ST3GAL2: variants seen among roughly 807,000 people sequenced by gnomAD.
ST3GAL2 encodes the protein CMP-N-acetylneuraminate-beta-galactosamide-alpha-2,3-sialyltransferase 2.
In ST3GAL2, 16 loss-of-function variants were observed where a neutral mutation model predicts 37.5. The observed-to-expected ratio is 0.43, with a 90% CI of 0.29 to 0.65. ST3GAL2 has a LOEUF of 0.65. ST3GAL2 is among the 30% of genes least tolerant of loss of function. The pLI is 0.17. For synonymous variants in ST3GAL2, 238 were observed against 202.9 expected, an observed-to-expected ratio of 1.17 and a Z score of -1.47; for missense variants, 383 against 487.8, an observed-to-expected ratio of 0.79 and a Z score of 2.02.
intron 1 of ST3GAL2, among the ~76,000 whole-genome samples, chr16:70,428,022 C>T (rs745749247): frequency 9.9e-5 from 15 of 152,192 alleles, no homozygotes; most frequent in African/African-American, 2.4e-4. Flanking sequence ...GGGGTAAAGG[C>T]GGAACTCCCC....
chr16:70,409,960 T>C (rs1367283321), intron 1 of ST3GAL2, among the ~76,000 whole-genome samples: 2 of 151,446 alleles, frequency 1.3e-5, no homozygotes, highest in African/African-American at 4.9e-5. Flanking sequence ...AGAGATGATG[T>C]CTTGCTATGT....
chr16:70,381,036 T>A lies in ST3GAL2; in HGVS notation c.*653A>T, dbSNP rs2047398323. 6.6e-6 allele frequency: 1 copy of A among 152,476 alleles called. No homozygotes were observed. The highest frequency in any genetic ancestry group is 2.4e-5 in the African/African-American group (1 of 41,442). 9.4% of individuals were successfully genotyped at this position (152,476 alleles called of 1,614,324 possible). On this transcript the variant is annotated 3_prime_UTR_variant, in exon 7 of 7. Coordinates refer to ENST00000342907, the MANE Select transcript of ST3GAL2 (RefSeq NM_006927.4). The stretch of plus-strand genomic sequence containing the variant: ...CGAGCTCTGCCCTGTCCCCTCCACC[T>A]GTCCGGAGTTCGGCCCGGGAGCACC...
Position 70,381,591 on chromosome 16 carries a change from G to C in ST3GAL2, c.*98C>G. 4.8e-6 allele frequency: 7 copies of C among 1,449,516 alleles called. No homozygotes were observed. The highest frequency in any genetic ancestry group is 6.5e-6 in the Non-Finnish European group (7 of 1,079,182). The allele number at this position is 1,449,516 out of a possible 1,614,324, so 89.8% of individuals were successfully genotyped here. On this transcript the variant is annotated 3_prime_UTR_variant, in exon 7 of 7. Transcript: ENST00000342907. ...TGGCGGGGCACAGCAGACGCCCCTGGGCTGCAGCATGATTGGTCGCGGGTT... is the reference window on the plus strand; with the variant it reads ...TGGCGGGGCACAGCAGACGCCCCTGCGCTGCAGCATGATTGGTCGCGGGTT...
intron 1 of ST3GAL2, among the ~76,000 whole-genome samples, chr16:70,420,836 T>G (rs781614722): frequency 1.3e-5 from 2 of 152,194 alleles, no homozygotes; most frequent in African/African-American, 4.8e-5. Flanking sequence ...AAGGAAGCCA[T>G]GTCCTCCCAC....
intron 3 of ST3GAL2, among the ~76,000 whole-genome samples, chr16:70,393,405 C>T (rs1418117241): frequency 6.6e-6 from 1 of 152,200 alleles, no homozygotes; most frequent in Non-Finnish European, 1.5e-5. Context: ...TGCAGCCCCA[C>T]CTGACAGTAC....
chr16:70,419,165 T>G (rs534626090), intron 1 of ST3GAL2, among the ~76,000 whole-genome samples: 1 of 152,194 alleles, frequency 6.6e-6, no homozygotes, highest in Non-Finnish European at 1.5e-5. Flanking sequence ...GGCTCAGGCC[T>G]GCTAGACCCC....
At chr16:70,383,147 C>CA in intron 5 of ST3GAL2, 43 bp downstream of exon 5, 1 of 1,610,740 alleles carries the variant, frequency 6.2e-7, no homozygotes, top group South Asian at 1.1e-5. Context: ...CAGGCTGGGC[C>CA]AGCACTGTTT....
chr16:70,429,889 C>T (rs879319522), intron 1 of ST3GAL2, among the ~76,000 whole-genome samples: 20 of 152,058 alleles, frequency 1.3e-4, no homozygotes, highest in Non-Finnish European at 2.4e-4. Flanking sequence ...GTGATCTGCC[C>T]GCCTTGGCCT....
chr16:70,421,427 C>T (rs1042012806), intron 1 of ST3GAL2, among the ~76,000 whole-genome samples: 6 of 152,214 alleles, frequency 3.9e-5, no homozygotes, highest in Admixed American at 3.9e-4. Flanking sequence ...CTGACCTGCC[C>T]TCCTGGATCT....
chr16:70,416,568 A>G (rs1267327323), intron 1 of ST3GAL2, among the ~76,000 whole-genome samples: 1 of 152,214 alleles, frequency 6.6e-6, no homozygotes, highest in Non-Finnish European at 1.5e-5. Context: ...ATCTCTCTAC[A>G]TAAGCCCAGG....
In ST3GAL2 at chr16:70,396,519, G is replaced by A. The variant is rs1248392229; in HGVS notation, c.340-1344C>T. Among the ~76,000 whole-genome samples the A allele has an allele frequency of 3.9e-5, 6 of 152,154 alleles. No individual in the cohort carries two copies. In the South Asian group the frequency reaches 8.3e-4, roughly 21 times the overall value. ...ACTCTGAAGCTGAGGTGGGAGGATC[G>A]CTCGAGCCTTGGGGATCAAGGATGC... On this transcript the variant is annotated intron_variant, in intron 2 of 6. Coordinates refer to ENST00000342907, the MANE Select transcript of ST3GAL2 (RefSeq NM_006927.4).
chr16:70,381,874 C>T lies in ST3GAL2; in HGVS notation c.880-12G>A. On this transcript the variant is annotated splice_polypyrimidine_tract_variant and intron_variant, in intron 6 of 6. Transcript: ENST00000342907. ...CCGTACACGTTCACCTGCGGGGAAG[C>T]GCAGCGGAGCGTCACCCCAGGCGGG... 2 of 1,612,090 alleles carry T rather than the reference C, an allele frequency of 1.2e-6. No homozygotes were observed. The highest frequency in any genetic ancestry group is 1.7e-6 in the Non-Finnish European group (2 of 1,178,844).
intron 3 of ST3GAL2, among the ~76,000 whole-genome samples, chr16:70,390,897 C>T (rs1463165768): frequency 6.6e-6 from 1 of 152,152 alleles, no homozygotes; most frequent in Non-Finnish European, 1.5e-5. Context: ...CAAGCACATT[C>T]CTGTCTCACG....
intron 1 of ST3GAL2, among the ~76,000 whole-genome samples, chr16:70,417,346 G>A (rs781042179): frequency 1.3e-5 from 2 of 151,860 alleles, no homozygotes; most frequent in African/African-American, 4.8e-5. Flanking sequence ...TCCTCCCTGG[G>A]GCCCCACTCC....
chr16:70,410,239 C>CTTTTTTT, intron 1 of ST3GAL2, among the ~76,000 whole-genome samples: 1 of 78,174 alleles, frequency 1.3e-5, no homozygotes, highest in Non-Finnish European at 2.4e-5. Context: ...TCCACCCTCA[C>CTTTTTTT]CTTTTTTTTT....
At chr16:70,403,323 T>C (rs1256549987) in intron 1 of ST3GAL2, among the ~76,000 whole-genome samples, 1 of 152,212 alleles carries the variant, frequency 6.6e-6, no homozygotes, top group East Asian at 1.9e-4. Context: ...TGTCATTCAC[T>C]ATACAGAAAA....
At chr16:70,428,001 C>G in intron 1 of ST3GAL2, among the ~76,000 whole-genome samples, 1 of 152,208 alleles carries the variant, frequency 6.6e-6, no homozygotes, top group East Asian at 1.9e-4. Flanking sequence ...AGCCAGACCT[C>G]CCAATGCTCT....
chr16:70,406,333 C>A (rs971911116), intron 1 of ST3GAL2, among the ~76,000 whole-genome samples: 1 of 151,672 alleles, frequency 6.6e-6, no homozygotes, highest in Non-Finnish European at 1.5e-5. Flanking sequence ...ATGGTGAAAC[C>A]CCATCTCTAC....
At chr16:70,417,471 G>A (rs530740887) in intron 1 of ST3GAL2, among the ~76,000 whole-genome samples, 71 of 152,150 alleles carry the variant, frequency 4.7e-4, no homozygotes, top group African/African-American at 1.6e-3. Context: ...GGACACGGCC[G>A]TAACCCCTTC....
Sources: allele counts gnomAD v4.1 joint callset (sites outside exome capture counted in the v4.1 genomes callset), GRCh38; gene constraint gnomAD v4.1.1; transcripts MANE v1.5; gene names NCBI Gene and HGNC (gene_info 2026-07-23, HGNC 2026-07-21).